Variants in OSTN observed in about 807,000 individuals in gnomAD.
The protein encoded by OSTN is osteocrin.
A neutral mutation model predicts 12.0 loss-of-function variants in OSTN; 9 were observed. The ratio of observed to expected loss-of-function variants is 0.75; its 90% CI spans 0.45 to 1.30. OSTN has a LOEUF of 1.30. Ranked by LOEUF, OSTN falls within the 50% of genes most tolerant of loss-of-function variation. The pLI, the probability that OSTN is intolerant of heterozygous loss-of-function variation, is 0.00. For missense variants in OSTN, 148 were observed against 152.3 expected (o/e 0.97, Z 0.15); for synonymous variants, 59 against 56.9 (o/e 1.04, Z -0.16).
At chr3:191,225,268 G>C (rs1239226789) in intron 3 of OSTN, among the ~76,000 whole-genome samples, 2 of 152,018 alleles carry the variant, frequency 1.3e-5, no homozygotes, top group Non-Finnish European at 2.9e-5. Context: ...GGTTCAAATA[G>C]ATACACTCCA....
At position 191,265,556 on chromosome 3, in the gene OSTN, G is replaced by T. The variant is rs1056713219; in HGVS notation, c.*2703G>T. 1 of 152,162 alleles carries T rather than the reference G, an allele frequency of 6.6e-6. No homozygotes were observed. The highest frequency in any genetic ancestry group is 2.4e-5 in the African/African-American group (1 of 41,434). 9.4% of individuals were successfully genotyped at this position (152,162 alleles called of 1,614,324 possible). ...ATGATATTACCCCTTATACCTAAAG[G>T]CTCAAGATGCTTGAATATGGTTCAA... On this transcript the variant is annotated 3_prime_UTR_variant, in exon 5 of 5. Coordinates refer to ENST00000682035, the MANE Select transcript of OSTN (RefSeq NM_198184.2).
chr3:191,205,435 TA>T (rs10662024), intron 1 of OSTN, among the ~76,000 whole-genome samples: 10 of 147,854 alleles, frequency 6.8e-5, no homozygotes, highest in Admixed American at 3.4e-4. Context: ...TCACGTCAAG[TA>T]AAAAAAAATA....
rs78435963 is a variant in OSTN, at chr3:191,210,285, C to T, written c.1-2248C>T. Among the ~76,000 whole-genome samples the T allele has an allele frequency of 8.6e-3, 1,310 of 152,298 alleles. 22 individuals carry two copies. Among genetic ancestry groups the T allele is most frequent in the African/African-American group, 0.03 (1,250 of 41,566 alleles). ...CTCCCTCCAGGCCCCGCCTCCAATACTGGAGGCAACTCACGGCAGTGCGTT... is the reference window on the plus strand; with the variant it reads ...CTCCCTCCAGGCCCCGCCTCCAATATTGGAGGCAACTCACGGCAGTGCGTT... On this transcript the variant is annotated intron_variant, in intron 1 of 4. Transcript: ENST00000682035.
intron 3 of OSTN, among the ~76,000 whole-genome samples, chr3:191,232,256 G>A (rs930867226): frequency 1.7e-4 from 25 of 148,068 alleles, no homozygotes; most frequent in African/African-American, 5.3e-4. Context: ...GCTTGAACAC[G>A]TGGGAGGCGG....
At chr3:191,214,881 G>C (rs1052309737) in intron 2 of OSTN, among the ~76,000 whole-genome samples, 3 of 152,006 alleles carry the variant, frequency 2.0e-5, no homozygotes, top group African/African-American at 4.8e-5. Context: ...GTGTGATGGT[G>C]ACCACCCATA....
chr3:191,262,768 A>T, intron 4 of OSTN, 98 bp from the exon 5 acceptor site: 1 of 656,392 alleles, frequency 1.5e-6, no homozygotes, highest in South Asian at 1.7e-5. Context: ...AACAGCATGT[A>T]ATTAAAGACT....
intron 3 of OSTN, among the ~76,000 whole-genome samples, chr3:191,221,405 G>A (rs1353219304): frequency 6.6e-6 from 1 of 152,084 alleles, no homozygotes; most frequent in African/African-American, 2.4e-5. Flanking sequence ...GATAATATGG[G>A]AAAGTTTGGA....
chr3:191,257,279 C>T (rs1247011880), intron 4 of OSTN, among the ~76,000 whole-genome samples: 1 of 150,244 alleles, frequency 6.7e-6, no homozygotes, highest in Non-Finnish European at 1.5e-5. Context: ...TACTTCCTTA[C>T]ACACTTTGCA....
intron 1 of OSTN, among the ~76,000 whole-genome samples, chr3:191,205,670 A>C (rs1714256751): frequency 6.6e-6 from 1 of 152,012 alleles, no homozygotes; most frequent in African/African-American, 2.4e-5. Flanking sequence ...GTACTCAATT[A>C]TTTTTAAATT....
chr3:191,213,102 C>T (rs1714507468), intron 2 of OSTN, among the ~76,000 whole-genome samples: 1 of 151,890 alleles, frequency 6.6e-6, no homozygotes, highest in Non-Finnish European at 1.5e-5. Flanking sequence ...AACTCCTGAC[C>T]TCGAGATCCG....
At chr3:191,254,472 AT>A (rs1475387067) in intron 4 of OSTN, among the ~76,000 whole-genome samples, 1 of 152,230 alleles carries the variant, frequency 6.6e-6, no homozygotes, top group Non-Finnish European at 1.5e-5. Flanking sequence ...CACAGTTTTA[AT>A]TTCTAGAGAT....
At chr3:191,232,268 G>C (rs1715075580) in intron 3 of OSTN, among the ~76,000 whole-genome samples, 1 of 146,188 alleles carries the variant, frequency 6.8e-6, no homozygotes, top group Admixed American at 7.0e-5. Flanking sequence ...GGGAGGCGGA[G>C]GTTTCAGTGA....
intron 3 of OSTN, among the ~76,000 whole-genome samples, chr3:191,240,812 G>C (rs1444310085): frequency 1.3e-5 from 2 of 152,262 alleles, no homozygotes; most frequent in African/African-American, 4.8e-5. Flanking sequence ...CTAAAGGGTT[G>C]TTAGCATGCA....
In OSTN at chr3:191,218,837, C is replaced by G; in HGVS notation, c.193C>G (p.Leu65Val). 1 of 1,614,046 alleles carries G rather than the reference C, an allele frequency of 6.2e-7. No individual in the cohort carries two copies. The highest frequency in any genetic ancestry group is 8.5e-7 in the Non-Finnish European group (1 of 1,179,988). The change falls in exon 3 of 5, where the codon CTT becomes GTT. Residue 65 changes from leucine (L) to valine (V), a missense_variant. Physicochemically the swap from Leu to Val is conservative, Grantham distance 32. Transcript: ENST00000682035. ...TGACCTGACAGCAAAACTCTTGCTT[C>G]TTGATGAATTGGTGTCCCTAGAAAA... ...ATDLTAKLLLLDELVSLENDV... is the reference protein window; with the variant it reads ...ATDLTAKLLLVDELVSLENDV...
At chr3:191,253,774 A>G (rs567966877) in intron 4 of OSTN, among the ~76,000 whole-genome samples, 50 of 152,236 alleles carry the variant, frequency 3.3e-4, no homozygotes, top group Non-Finnish European at 6.5e-4. Flanking sequence ...TGGTTGCATT[A>G]ATGCAAATTC....
chr3:191,252,642 G>A (rs1467081275), intron 4 of OSTN, among the ~76,000 whole-genome samples: 2 of 151,976 alleles, frequency 1.3e-5, no homozygotes, highest in South Asian at 2.1e-4. Flanking sequence ...TCACCTGTTC[G>A]ACCGTTTTGT....
intron 4 of OSTN, among the ~76,000 whole-genome samples, chr3:191,259,056 A>G (rs2108556749): frequency 6.6e-6 from 1 of 152,338 alleles, no homozygotes; most frequent in East Asian, 1.9e-4. Flanking sequence ...AGAAAGGAGT[A>G]AGAGTACTCT....
At chr3:191,258,101 G>C (rs548053654) in intron 4 of OSTN, among the ~76,000 whole-genome samples, 92 of 152,296 alleles carry the variant, frequency 6.0e-4, no homozygotes, top group African/African-American at 2.1e-3. Context: ...GAGTTTCAGA[G>C]AAAACAGGTA....
chr3:191,232,274 A>C (rs571180285), intron 3 of OSTN, among the ~76,000 whole-genome samples: 24 of 143,786 alleles, frequency 1.7e-4, no homozygotes, highest in African/African-American at 6.0e-4. Context: ...CGGAGGTTTC[A>C]GTGAGCCAAG....
Sources: allele counts gnomAD v4.1 joint callset (sites outside exome capture counted in the v4.1 genomes callset), GRCh38; gene constraint gnomAD v4.1.1; transcripts MANE v1.5; gene names NCBI Gene and HGNC (gene_info 2026-07-23, HGNC 2026-07-21).